The following CAPN12 variants were observed in gnomAD, a reference collection of about 807,000 sequenced individuals.
The protein encoded by CAPN12 is calpain-12.
CAPN12 carries 107 observed loss-of-function variants against 95.0 expected under a neutral mutation model. The observed-to-expected ratio is 1.13, with a 90% CI of 0.96 to 1.32. The LOEUF is 1.32. Ranked by LOEUF, CAPN12 falls within the 40% of genes most tolerant of loss-of-function variation. The pLI is 0.00. For synonymous variants in CAPN12, 505 were observed against 415.5 expected (o/e 1.22, Z -2.62); for missense variants, 1,136 against 997.8 (o/e 1.14, Z -1.87).
rs754349004 is a variant in CAPN12 at position 38,737,390 on chromosome 19, T to A, written c.1130-2A>T. The A allele has an allele frequency of 6.2e-7, 1 of 1,609,384 alleles. No homozygotes were observed. The highest frequency in any genetic ancestry group is 8.5e-7 in the Non-Finnish European group (1 of 1,178,382). ...ACTGAGGATTGGTCCAGAAGGTTTC[T>A]AAGGGAGGAGGAAAAAAGGGGGTTT... On this transcript the variant is annotated splice_acceptor_variant, in intron 9 of 20. Coordinates refer to ENST00000328867, the MANE Select transcript of CAPN12 (RefSeq NM_144691.4). LOFTEE classifies it high-confidence loss of function.
rs766502350 is a variant in CAPN12, at chr19:38,733,749, A to C, written c.1911T>G (p.Ser637=). ...TCAGCTCGTAGGAGTTCATGGTTCC[A>C]GAGGTGTCCTCATCGAACTTGTTAA... ...AIFNKFDEDT[S]GTMNSYELRL... is the part of the protein sequence containing the mutation. Residue 637 remains serine (S), a synonymous_variant, in exon 18 of 21, where the codon TCT becomes TCG. Transcript: ENST00000328867. 1 of 1,613,556 alleles carries C rather than the reference A, an allele frequency of 6.2e-7. No individual in the cohort carries two copies. Among genetic ancestry groups the C allele is most frequent in the African/African-American group, 1.3e-5 (1 of 74,944 alleles).
chr19:38,742,998 G>A lies in CAPN12; in HGVS notation c.307+35C>T, dbSNP rs200731618. ...GTCAGGATCTCAGCTGAAACTAGCT[G>A]GATCTGAGGACTCCAGGTGGGTTCA... On this transcript the variant is annotated intron_variant, in intron 2 of 20. Transcript: ENST00000328867. The A allele has an allele frequency of 8.7e-5, 140 of 1,607,166 alleles. No individual in the cohort carries two copies. The African/African-American group carries it at 1.7e-3, about 20-fold the overall frequency.
At position 38,730,633 on chromosome 19, in the gene CAPN12, A is replaced by G; in HGVS notation, c.*219T>C. 1 of 619,410 alleles carries G rather than the reference A, an allele frequency of 1.6e-6. No individual in the cohort carries two copies. The highest frequency in any genetic ancestry group is 2.9e-6 in the Non-Finnish European group (1 of 347,300). 38.4% of individuals were successfully genotyped at this position (619,410 alleles called of 1,614,324 possible). On this transcript the variant is annotated 3_prime_UTR_variant, in exon 21 of 21. Coordinates refer to ENST00000328867, the MANE Select transcript of CAPN12 (RefSeq NM_144691.4). ...CTGTCTTAAGCTGTCAACGTGGACTAGCTCGTGTCATCTGCTCGAGAAGGG... is the reference window on the plus strand; with the variant it reads ...CTGTCTTAAGCTGTCAACGTGGACTGGCTCGTGTCATCTGCTCGAGAAGGG...
rs143325515 is a variant in CAPN12, at chr19:38,744,438, C to T, written c.-273G>A. On this transcript the variant is annotated 5_prime_UTR_variant, in exon 1 of 21. Transcript: ENST00000328867. Reference sequence around the variant, plus strand: ...AAGGCGGGCAGAGCTGAGGGAGGACCGGCTGCCGCTGTCAGAGCACCAAGA... The same window carrying T: ...AAGGCGGGCAGAGCTGAGGGAGGACTGGCTGCCGCTGTCAGAGCACCAAGA... The T allele has an allele frequency of 1.7e-3, 906 of 530,150 alleles. 12 individuals are homozygous for T. Among genetic ancestry groups the T allele is most frequent in the African/African-American group, 0.015 (769 of 52,562 alleles). The allele number at this position is 530,150 out of a possible 1,614,324, so 32.8% of individuals were successfully genotyped here.
chr19:38,736,882 CT>C, intron 10 of CAPN12: 3 of 562,994 alleles, frequency 5.3e-6, no homozygotes, highest in South Asian at 2.2e-5. Context: ...TTAGCTCCCT[CT>C]CCCCTCTGAG....
At chr19:38,736,044 G>T (rs1366208151) in intron 12 of CAPN12, 66 bp downstream of exon 12, 7 of 1,106,408 alleles carry the variant, frequency 6.3e-6, no homozygotes, top group Non-Finnish European at 8.3e-6. Flanking sequence ...GGGGTCTCGG[G>T]GGTCTCGGGG....
At position 38,733,837 on chromosome 19, in the gene CAPN12, T is replaced by G; in HGVS notation, c.1879-56A>C. 4 of 1,450,074 alleles carry G rather than the reference T, an allele frequency of 2.8e-6. No individual in the cohort carries two copies. In the South Asian group the frequency reaches 4.6e-5, roughly 17 times the overall value. 89.8% of individuals were successfully genotyped at this position (1,450,074 alleles called of 1,614,324 possible). On this transcript the variant is annotated intron_variant, in intron 17 of 20. Transcript: ENST00000328867. ...TCCATGCCCTGAAGAGGGCTGCCAATGGGGCCTCCCAGGCAAGACAGCCTG... is the reference window on the plus strand; with the variant it reads ...TCCATGCCCTGAAGAGGGCTGCCAAGGGGGCCTCCCAGGCAAGACAGCCTG...
chr19:38,737,098 G>GGCCCC (rs1345429661), intron 10 of CAPN12, 58 bp downstream of exon 10: 44 of 259,332 alleles, frequency 1.7e-4, no homozygotes, highest in African/African-American at 1.5e-3. Context: ...TCCTTGGCCC[G>GGCCCC]GCCCCGCCCC....
At chr19:38,733,674 C>T in intron 18 of CAPN12, 29 bp downstream of exon 18, 1 of 1,596,674 alleles carries the variant, frequency 6.3e-7, no homozygotes, top group Non-Finnish European at 8.6e-7. Context: ...GGTCCTGTCC[C>T]CACGACCACC....
In CAPN12 at chr19:38,741,918, G is replaced by A. The variant is rs761612818; in HGVS notation, c.427-8C>T. On this transcript the variant is annotated splice_region_variant and splice_polypyrimidine_tract_variant and intron_variant, in intron 3 of 20. Coordinates refer to ENST00000328867, the MANE Select transcript of CAPN12 (RefSeq NM_144691.4). ...GCGGCCAAACTGCCAGAGCTGGTGG[G>A]AGAAGATGCAGGGCCGGACTCGGCT... is the stretch of plus-strand genomic sequence containing the variant. 1 of 1,613,394 alleles carries A rather than the reference G, an allele frequency of 6.2e-7. No individual in the cohort carries two copies. Among genetic ancestry groups the A allele is most frequent in the Non-Finnish European group, 8.5e-7 (1 of 1,179,896 alleles).
At chr19:38,739,921 T>G in intron 5 of CAPN12, 130 bp downstream of exon 5, 1 of 954,378 alleles carries the variant, frequency 1.0e-6, no homozygotes, top group Non-Finnish European at 1.4e-6. Flanking sequence ...TTTTGACTAG[T>G]TAGATTTATG....
At chr19:38,731,391 C>G (rs1025599195) in intron 18 of CAPN12, 168 bp from the exon 19 acceptor site, 3 of 629,334 alleles carry the variant, frequency 4.8e-6, no homozygotes, top group Non-Finnish European at 8.6e-6. Context: ...TCCTCTGGGC[C>G]TGTTTCCTCA....
In CAPN12 at chr19:38,735,537, C is replaced by A. The variant is rs749421872; in HGVS notation, c.1591G>T (p.Asp531Tyr). 2 of 1,610,072 alleles carry A rather than the reference C, an allele frequency of 1.2e-6. No homozygotes were observed. Among genetic ancestry groups the A allele is most frequent in the Admixed American group, 1.7e-5 (1 of 59,786 alleles). The change falls in exon 13 of 21, where the codon GAC (aspartate) becomes TAC (tyrosine). Residue 531 changes from aspartate to tyrosine, a missense_variant. Asp to Tyr is a radical substitution (Grantham distance 160). Transcript: ENST00000328867. ...SERRHTAVEI[D>Y]DVISADLQSL... ...TGCAGGTCTGCGCTGATCACGTCGTCGATCTCCCTGCAAATTACAGATGGG... is the reference window on the plus strand; with the variant it reads ...TGCAGGTCTGCGCTGATCACGTCGTAGATCTCCCTGCAAATTACAGATGGG...
Position 38,735,427 on chromosome 19 carries a change from G to T in CAPN12, c.1629C>A (p.Gly543=). 6.2e-7 allele frequency: 1 copy of T among 1,610,840 alleles called. No homozygotes were observed. The change falls in exon 14 of 21, where the codon GGC becomes GGA. Residue 543 remains glycine (G), a splice_region_variant and synonymous_variant. Coordinates refer to ENST00000328867, the MANE Select transcript of CAPN12 (RefSeq NM_144691.4). The stretch of plus-strand genomic sequence containing the variant: ...ACCCCAGCTCCAGGGGCAGGTAGGG[G>T]CCCTGCCGCATGGCGGAAGTTTAGC... ...VISADLQSLQ[G]PYLPLELGLE...
intron 5 of CAPN12, 113 bp downstream of exon 5, chr19:38,739,938 C>T (rs749060518): frequency 2.9e-5 from 33 of 1,142,974 alleles, no homozygotes; most frequent in Non-Finnish European, 3.8e-5. Flanking sequence ...TATGAGCGAG[C>T]CTAAGCCAGT....
chr19:38,741,597 A>C (rs1375601740), intron 4 of CAPN12, among the ~76,000 whole-genome samples, 180 bp downstream of exon 4: 4 of 151,940 alleles, frequency 2.6e-5, no homozygotes, highest in African/African-American at 7.3e-5. Flanking sequence ...AAAAAAAAAA[A>C]AAACATGAAG....
rs756727348 is a variant in CAPN12 at position 38,738,586 on chromosome 19, C to T, written c.792G>A (p.Thr264=). The change falls in exon 6 of 21, where the codon ACG becomes ACA. Residue 264 remains threonine, a synonymous_variant. Coordinates refer to ENST00000328867, the MANE Select transcript of CAPN12 (RefSeq NM_144691.4). ...GLVKGHAYSI[T]GTHKVFLGFT... is the part of the protein sequence containing the mutation. ...GGGGGACACTTACCTTGTGTGTGCC[C>T]GTGATGGAATACGCGTGTCCCTTTA... is the stretch of plus-strand genomic sequence containing the variant. The T allele has an allele frequency of 6.6e-5, 107 of 1,613,906 alleles. No homozygotes were observed. Among genetic ancestry groups the T allele is most frequent in the Non-Finnish European group, 8.4e-5 (99 of 1,180,042 alleles).
chr19:38,736,570 GAAGC>G lies in CAPN12; in HGVS notation c.1363-11_1363-8del, dbSNP rs752791602. ...GACTCACCTCCTCTGGAATCTGAAA[GAAGC>G]AAGAGCAAGGGGCGTCGGGGCAGGG... On this transcript the variant is annotated splice_region_variant and splice_polypyrimidine_tract_variant and intron_variant, in intron 10 of 20. Coordinates refer to ENST00000328867, the MANE Select transcript of CAPN12 (RefSeq NM_144691.4). 3.7e-6 allele frequency: 6 copies of G among 1,605,234 alleles called. No homozygotes were observed. In the Admixed American group the frequency reaches 5.1e-5, roughly 14 times the overall value.
At chr19:38,739,019 C>T (rs1438453793) in intron 5 of CAPN12, 1 of 317,412 alleles carries the variant, frequency 3.2e-6, no homozygotes, top group Non-Finnish European at 6.0e-6. Flanking sequence ...GTGGTCCCAG[C>T]TACTCTGGAG....
Sources: gnomAD v4.1 joint callset for allele counts (sites outside exome capture counted in the v4.1 genomes callset) on GRCh38, gnomAD v4.1.1 for gene constraint, MANE v1.5 for transcripts, NCBI Gene and HGNC (gene_info 2026-07-23, HGNC 2026-07-21) for gene names.